RMST: variants seen among roughly 807,000 people sequenced by gnomAD.
The protein encoded by RMST is long intergenic non-protein coding RNA 54.
intron 10 of RMST, among the ~76,000 whole-genome samples, chr12:97,512,983 C>T (rs1291994981): frequency 2.0e-5 from 3 of 152,226 alleles, no homozygotes; most frequent in Non-Finnish European, 4.4e-5. Flanking sequence ...GCTGCTAGCC[C>T]AGGTGCTAAG....
At chr12:97,482,114 A>T (rs1400111327) in intron 5 of RMST, among the ~76,000 whole-genome samples, 1 of 152,226 alleles carries the variant, frequency 6.6e-6, no homozygotes, top group Non-Finnish European at 1.5e-5. Context: ...TGGAAACCAA[A>T]GTTTCCAAAA....
At chr12:97,517,648 C>T (rs1880066960) in intron 10 of RMST, among the ~76,000 whole-genome samples, 1 of 151,964 alleles carries the variant, frequency 6.6e-6, no homozygotes, top group Non-Finnish European at 1.5e-5. Flanking sequence ...ATCATAACTG[C>T]ATAGTTTTCC....
At chr12:97,501,097 T>G (rs1021860043) in intron 10 of RMST, among the ~76,000 whole-genome samples, 2 of 152,176 alleles carry the variant, frequency 1.3e-5, no homozygotes, top group African/African-American at 2.4e-5. Flanking sequence ...AGACAAGGCT[T>G]TGAGGAGCAC....
chr12:97,500,060 T>G (rs958764273), intron 10 of RMST, among the ~76,000 whole-genome samples: 1 of 152,196 alleles, frequency 6.6e-6, no homozygotes, highest in Admixed American at 6.5e-5. Context: ...AAAGGAGAGA[T>G]AGGATGATCT....
At chr12:97,520,862 A>T (rs1880440805) in intron 10 of RMST, among the ~76,000 whole-genome samples, 1 of 152,206 alleles carries the variant, frequency 6.6e-6, no homozygotes, top group South Asian at 2.1e-4. Flanking sequence ...AAAATCTACC[A>T]TGGAAACATA....
intron 10 of RMST, among the ~76,000 whole-genome samples, chr12:97,498,360 C>A (rs968827352): frequency 6.6e-6 from 1 of 152,048 alleles, no homozygotes; most frequent in Non-Finnish European, 1.5e-5. Context: ...TCTGCTCTAC[C>A]ACTTATTAGC....
intron 10 of RMST, among the ~76,000 whole-genome samples, chr12:97,515,173 G>A (rs1879802490): frequency 6.6e-6 from 1 of 152,062 alleles, no homozygotes; most frequent in Admixed American, 6.5e-5. Context: ...TATGATTTAT[G>A]CTCTAAAATT....
intron 5 of RMST, among the ~76,000 whole-genome samples, chr12:97,478,954 A>C (rs896108552): frequency 2.6e-5 from 4 of 152,010 alleles, no homozygotes; most frequent in Non-Finnish European, 4.4e-5. Flanking sequence ...CTGGGTTGGC[A>C]CTCGGGCACC....
At chr12:97,490,899 G>A (rs570532413) in intron 5 of RMST, among the ~76,000 whole-genome samples, 1 of 152,294 alleles carries the variant, frequency 6.6e-6, no homozygotes, top group African/African-American at 2.4e-5. Context: ...CAGAGTGACT[G>A]AACACTTATC....
intron 11 of RMST, among the ~76,000 whole-genome samples, chr12:97,543,089 C>T (rs140550940): frequency 1.1e-3 from 161 of 152,058 alleles, no homozygotes; most frequent in African/African-American, 3.7e-3. Context: ...ACCAGCCATT[C>T]GGGAAATTAC....
chr12:97,557,355 T>C (rs1255567222), intron 11 of RMST, among the ~76,000 whole-genome samples: 1 of 152,194 alleles, frequency 6.6e-6, no homozygotes, highest in East Asian at 1.9e-4. Context: ...TGTGTGTATG[T>C]CTGCATGTAT....
intron 10 of RMST, among the ~76,000 whole-genome samples, chr12:97,497,883 C>T (rs1877627173): frequency 6.6e-6 from 1 of 152,072 alleles, no homozygotes; most frequent in South Asian, 2.1e-4. Flanking sequence ...AAGTTTACAG[C>T]TCAAAAGAAG....
intron 11 of RMST, among the ~76,000 whole-genome samples, chr12:97,546,203 C>G (rs1040030639): frequency 6.6e-6 from 1 of 152,076 alleles, no homozygotes; most frequent in African/African-American, 2.4e-5. Flanking sequence ...TTTTTGAGGA[C>G]TTTTAATTTT....
At chr12:97,559,035 A>T (rs1291216947) in intron 11 of RMST, among the ~76,000 whole-genome samples, 1 of 152,182 alleles carries the variant, frequency 6.6e-6, no homozygotes, top group Non-Finnish European at 1.5e-5. Context: ...AAATTCACAC[A>T]GAACGACACA....
intron 11 of RMST, chr12:97,560,500 G>T (rs551953129): frequency 2.0e-5 from 3 of 152,154 alleles, no homozygotes; most frequent in Admixed American, 6.5e-5. Context: ...TGTGAAGTAG[G>T]GTTATTACAT....
intron 10 of RMST, among the ~76,000 whole-genome samples, chr12:97,523,982 G>A (rs552371155): frequency 3.4e-4 from 50 of 149,156 alleles, no homozygotes; most frequent in Non-Finnish European, 4.3e-4. Context: ...AGACTGAAGC[G>A]GGAGAATGGC....
At chr12:97,555,964 C>T (rs1883681608) in intron 11 of RMST, among the ~76,000 whole-genome samples, 1 of 152,164 alleles carries the variant, frequency 6.6e-6, no homozygotes, top group Non-Finnish European at 1.5e-5. Flanking sequence ...GGCACAGAAA[C>T]CCATGCATCT....
chr12:97,537,229 C>G (rs1362104596), intron 11 of RMST, among the ~76,000 whole-genome samples: 1 of 151,442 alleles, frequency 6.6e-6, no homozygotes, highest in African/African-American at 2.4e-5. Context: ...AAAATCCTTT[C>G]TAATTATATA....
At position 97,491,255 on chromosome 12, in the gene RMST, G is replaced by A. The variant is rs536154260; in HGVS notation, n.645-1206G>A. ...CAAAATTCCAAAGGTGATTAGTGTC[G>A]TTTCTATTATTTCACAGGGTGGAGT... is the stretch of plus-strand genomic sequence containing the variant. On this transcript the variant is annotated intron_variant and non_coding_transcript_variant, in intron 5 of 13. Coordinates refer to ENST00000640149, the Ensembl canonical transcript of RMST. 5.1e-4 allele frequency among the ~76,000 whole-genome samples: 78 copies of A among 152,274 alleles called. 1 individual carries two copies. Among genetic ancestry groups the A allele is most frequent in the African/African-American group, 9.4e-4 (39 of 41,556 alleles).
Sources: allele counts gnomAD v4.1 joint callset (sites outside exome capture counted in the v4.1 genomes callset), GRCh38; gene constraint gnomAD v4.1.1; transcripts MANE v1.5; gene names NCBI Gene and HGNC (gene_info 2026-07-23, HGNC 2026-07-21).